FER: variants seen among roughly 807,000 people sequenced by gnomAD.
The protein encoded by FER is tyrosine-protein kinase Fer.
Under a neutral mutation model 111.0 loss-of-function variants are expected in FER, and 63 were observed. That is an observed-to-expected ratio of 0.57 (90% CI 0.46 to 0.70). The LOEUF (loss-of-function observed/expected upper bound fraction) is 0.70. Among genes scored for constraint, FER ranks in the 30% least tolerant of loss-of-function variants. FER has a pLI of 0.00. For missense variants in FER, 914 were observed against 954.0 expected (o/e 0.96, Z 0.55); for synonymous variants, 327 against 313.9 (o/e 1.04, Z -0.44).
chr5:109,094,803 C>T (rs976634193), intron 16 of FER, among the ~76,000 whole-genome samples: 7 of 152,082 alleles, frequency 4.6e-5, no homozygotes, highest in Non-Finnish European at 8.8e-5. Context: ...CCAAAATCAC[C>T]GCCTTAAAAA....
At chr5:109,001,833 A>G (rs1764817678) in intron 13 of FER, among the ~76,000 whole-genome samples, 1 of 151,554 alleles carries the variant, frequency 6.6e-6, no homozygotes, top group African/African-American at 2.5e-5. Flanking sequence ...ATTCTTATAC[A>G]CCAATAACAG....
At chr5:108,863,580 A>C (rs1456524425) in intron 5 of FER, among the ~76,000 whole-genome samples, 1 of 152,188 alleles carries the variant, frequency 6.6e-6, no homozygotes, top group Non-Finnish European at 1.5e-5. Flanking sequence ...AAAATCATTC[A>C]TGGTTAGTAT....
intron 1 of FER, among the ~76,000 whole-genome samples, chr5:108,749,983 C>T (rs547183666): frequency 1.1e-4 from 17 of 152,304 alleles, no homozygotes; most frequent in African/African-American, 4.1e-4. Flanking sequence ...GGTAGCCTTA[C>T]ATTTTTTTCC....
chr5:109,146,859 G>A (rs1754278548), intron 17 of FER, among the ~76,000 whole-genome samples: 1 of 151,882 alleles, frequency 6.6e-6, no homozygotes, highest in African/African-American at 2.4e-5. Context: ...TGATGGACTG[G>A]GAGAAAATCC....
intron 3 of FER, among the ~76,000 whole-genome samples, chr5:108,804,373 A>G (rs1367070200): frequency 1.3e-5 from 2 of 151,984 alleles, no homozygotes; most frequent in Admixed American, 6.6e-5. Context: ...ACTATACTGT[A>G]TTGGAGTGGT....
intron 1 of FER, among the ~76,000 whole-genome samples, chr5:108,766,635 ATGCC>A (rs1752352314): frequency 6.6e-6 from 1 of 152,246 alleles, no homozygotes; most frequent in Non-Finnish European, 1.5e-5. Context: ...CTTGGAGAAT[ATGCC>A]TGACATACTG....
intron 15 of FER, among the ~76,000 whole-genome samples, chr5:109,046,675 G>A (rs1187695321): frequency 6.6e-6 from 1 of 152,062 alleles, no homozygotes; most frequent in African/African-American, 2.4e-5. Flanking sequence ...GGGGGAAAAT[G>A]TTGATGATTG....
chr5:109,003,170 A>G lies in FER; in HGVS notation c.1657-34252A>G, dbSNP rs900597881. The stretch of plus-strand genomic sequence containing the variant: ...CTGCTATAAAGACACATGCACACGT[A>G]TGTTTATTGAAGCACTATTCACAAT... On this transcript the variant is annotated intron_variant, in intron 13 of 19. Transcript: ENST00000281092. Among the ~76,000 whole-genome samples the G allele has an allele frequency of 1.2e-4, 18 of 152,234 alleles. 1 individual carries two copies. Among genetic ancestry groups the G allele is most frequent in the Admixed American group, 7.8e-4 (12 of 15,288 alleles).
At chr5:109,104,287 A>G (rs996085185) in intron 17 of FER, among the ~76,000 whole-genome samples, 1 of 152,226 alleles carries the variant, frequency 6.6e-6, no homozygotes, top group African/African-American at 2.4e-5. Context: ...GTGTTTCACA[A>G]ATGTGGGCAG....
intron 17 of FER, among the ~76,000 whole-genome samples, chr5:109,113,814 G>T (rs890542061): frequency 3.9e-5 from 6 of 152,084 alleles, no homozygotes; most frequent in African/African-American, 1.4e-4. Context: ...CTTACTCATG[G>T]ATAATGATAT....
chr5:108,834,426 G>A (rs1462575232), intron 4 of FER, among the ~76,000 whole-genome samples: 2 of 152,046 alleles, frequency 1.3e-5, no homozygotes, highest in East Asian at 1.9e-4. Context: ...GGCTGGGTGC[G>A]GTGGCTCATG....
At chr5:109,091,201 T>G (rs538441282) in intron 16 of FER, among the ~76,000 whole-genome samples, 1 of 152,316 alleles carries the variant, frequency 6.6e-6, no homozygotes, top group South Asian at 2.1e-4. Context: ...TAGGCCCATA[T>G]TATCAGGACC....
chr5:108,865,500 A>G (rs537881870), intron 5 of FER, among the ~76,000 whole-genome samples: 10 of 152,308 alleles, frequency 6.6e-5, no homozygotes, highest in East Asian at 1.9e-4. Context: ...AACCTTGGCA[A>G]TACCATTCAG....
intron 16 of FER, among the ~76,000 whole-genome samples, chr5:109,089,032 T>G (rs1777867587): frequency 6.6e-6 from 1 of 152,200 alleles, no homozygotes; most frequent in Non-Finnish European, 1.5e-5. Flanking sequence ...GTGTATAATA[T>G]AATCCCTAAA....
chr5:109,092,351 T>C (rs565497730), intron 16 of FER, among the ~76,000 whole-genome samples: 2 of 133,900 alleles, frequency 1.5e-5, no homozygotes, highest in South Asian at 4.6e-4. Flanking sequence ...GAGAGAAAAG[T>C]TTACAAACCA....
intron 1 of FER, among the ~76,000 whole-genome samples, chr5:108,759,956 A>ATC (rs1188862184): frequency 6.6e-6 from 1 of 152,228 alleles, no homozygotes; most frequent in Non-Finnish European, 1.5e-5. Flanking sequence ...TCTCATCCAT[A>ATC]ATACAGGTAT....
At chr5:108,974,141 A>G (rs888027458) in intron 13 of FER, among the ~76,000 whole-genome samples, 1 of 152,178 alleles carries the variant, frequency 6.6e-6, no homozygotes, top group African/African-American at 2.4e-5. Context: ...CATAGAAATT[A>G]TATTAGGTAC....
chr5:109,140,948 C>G (rs1404686361), intron 17 of FER, among the ~76,000 whole-genome samples: 1 of 152,148 alleles, frequency 6.6e-6, no homozygotes, highest in African/African-American at 2.4e-5. Context: ...AGGTAAAATT[C>G]TGGACCCATA....
At chr5:108,817,365 A>T (rs1758394700) in intron 3 of FER, among the ~76,000 whole-genome samples, 1 of 152,152 alleles carries the variant, frequency 6.6e-6, no homozygotes, top group Non-Finnish European at 1.5e-5. Context: ...CATTCTTCTT[A>T]TGTAATGGGC....
Sources: allele counts gnomAD v4.1 joint callset (sites outside exome capture counted in the v4.1 genomes callset), GRCh38; gene constraint gnomAD v4.1.1; transcripts MANE v1.5; gene names NCBI Gene and HGNC (gene_info 2026-07-23, HGNC 2026-07-21).